Variants in CSMD1 observed in about 807,000 individuals in gnomAD.
CSMD1 encodes the protein CUB and sushi domain-containing protein 1.
CSMD1 carries 213 observed loss-of-function variants against 417.5 expected under a neutral mutation model. That is an observed-to-expected ratio of 0.51 (90% CI 0.46 to 0.57). The LOEUF (loss-of-function observed/expected upper bound fraction) is 0.57, where lower values mean the gene tolerates loss of function less well. Among genes scored for constraint, CSMD1 ranks in the 20% least tolerant of loss-of-function variants. The pLI is 0.00. For synonymous variants in CSMD1, 2,862 were observed against 1,736.8 expected, an observed-to-expected ratio of 1.65 and a Z score of -16.11; for missense variants, 6,923 against 4,529.7, an observed-to-expected ratio of 1.53 and a Z score of -15.17.
chr8:4,805,073 G>A (rs1798513143), intron 1 of CSMD1, among the ~76,000 whole-genome samples: 1 of 152,098 alleles, frequency 6.6e-6, no homozygotes, highest in South Asian at 2.1e-4. Flanking sequence ...GGAGTTTCAA[G>A]TACCCAAGTA....
chr8:4,360,956 A>G (rs1801723135), intron 3 of CSMD1, among the ~76,000 whole-genome samples: 1 of 152,298 alleles, frequency 6.6e-6, no homozygotes. Context: ...ATGGGACTTG[A>G]GGAATACTTG....
intron 12 of CSMD1, among the ~76,000 whole-genome samples, chr8:3,437,227 T>A (rs767875203): frequency 6.6e-6 from 1 of 152,196 alleles, no homozygotes; most frequent in East Asian, 1.9e-4. Context: ...TCACTTGATT[T>A]GATGTATCCT....
chr8:4,578,983 T>G (rs1037986947), intron 2 of CSMD1, among the ~76,000 whole-genome samples: 1 of 152,036 alleles, frequency 6.6e-6, no homozygotes, highest in African/African-American at 2.4e-5. Flanking sequence ...CAGCATCTTT[T>G]CATTAATTAA....
In CSMD1 at chr8:3,684,549, C is replaced by G. The variant is rs1163705812; in HGVS notation, c.1009+23865G>C. Among the ~76,000 whole-genome samples, 3 of 148,760 alleles carry G rather than the reference C, an allele frequency of 2.0e-5. No homozygotes were observed. The Admixed American group carries it at 2.0e-4, about 10-fold the overall frequency. On this transcript the variant is annotated intron_variant, in intron 7 of 69. Transcript: ENST00000635120. ...GCCATCTAGAAACAAATGGCACTGT[C>G]TTTCTATATCATCATTGTTGAACCC...
intron 5 of CSMD1, among the ~76,000 whole-genome samples, chr8:3,986,819 GATCTCGGCTCACTGCA>G (rs1814359985): frequency 6.6e-6 from 1 of 151,832 alleles, no homozygotes; most frequent in South Asian, 2.1e-4. Flanking sequence ...GCAGTGATGC[GATCTCGGCTCACTGCA>G]ATCTCTGCTC....
At position 4,070,734 on chromosome 8, in the gene CSMD1, C is replaced by G. The variant is rs116518741; in HGVS notation, c.416-38635G>C. On this transcript the variant is annotated intron_variant, in intron 3 of 69. Transcript: ENST00000635120. The stretch of plus-strand genomic sequence containing the variant: ...GTTGTTTCCATGAAGCCCGAGCAAC[C>G]ATCTCAGCATTTCCTCCACCACGAG... Among the ~76,000 whole-genome samples, 783 of 152,210 alleles carry G rather than the reference C, an allele frequency of 5.1e-3. 7 individuals are homozygous for G. Among genetic ancestry groups the G allele is most frequent in the African/African-American group, 0.018 (745 of 41,532 alleles).
chr8:4,413,529 G>C lies in CSMD1; in HGVS notation c.415+6424C>G, dbSNP rs529781863. Among the ~76,000 whole-genome samples the C allele has an allele frequency of 1.2e-4, 19 of 152,144 alleles. 1 individual carries two copies. In the South Asian group the frequency reaches 3.9e-3, roughly 32 times the overall value. ...ATCCCTACTTTTAGAAAATGTTAGT[G>C]TTCATGTACTGACAGCACTAATTCT... is the stretch of plus-strand genomic sequence containing the variant. On this transcript the variant is annotated intron_variant, in intron 3 of 69. Coordinates refer to ENST00000635120, the MANE Select transcript of CSMD1 (RefSeq NM_033225.6).
chr8:4,477,883 A>C (rs1297343906), intron 2 of CSMD1, among the ~76,000 whole-genome samples: 1 of 152,192 alleles, frequency 6.6e-6, no homozygotes, highest in Non-Finnish European at 1.5e-5. Context: ...CATAATCCTC[A>C]TTTATAACTG....
chr8:3,969,570 G>A (rs1364943198), intron 5 of CSMD1, among the ~76,000 whole-genome samples: 1 of 152,088 alleles, frequency 6.6e-6, no homozygotes, highest in East Asian at 1.9e-4. Flanking sequence ...GAAAATAGGT[G>A]ACGGCATAAT....
At chr8:4,684,559 T>C (rs1806247766) in intron 1 of CSMD1, among the ~76,000 whole-genome samples, 1 of 152,214 alleles carries the variant, frequency 6.6e-6, no homozygotes. Flanking sequence ...ATCTAGGCTT[T>C]GCCACTTTCA....
Position 4,001,383 on chromosome 8 carries a change from G to A in CSMD1, c.611-3273C>T, listed in dbSNP as rs139055800. 4.2e-4 allele frequency among the ~76,000 whole-genome samples: 64 copies of A among 152,256 alleles called. No homozygotes were observed. In the East Asian group the frequency reaches 9.7e-3, roughly 23 times the overall value. The stretch of plus-strand genomic sequence containing the variant: ...TAGCCCCCTGGTTTCTCCACTGCTG[G>A]AAGGTTCGATGACCTGCAGAAGGTG... On this transcript the variant is annotated intron_variant, in intron 4 of 69. Coordinates refer to ENST00000635120, the MANE Select transcript of CSMD1 (RefSeq NM_033225.6).
chr8:3,653,007 C>G (rs529408175), intron 7 of CSMD1, among the ~76,000 whole-genome samples: 1 of 152,236 alleles, frequency 6.6e-6, no homozygotes, highest in African/African-American at 2.4e-5. Flanking sequence ...TAATGCCACT[C>G]AAATTATACT....
chr8:4,285,236 A>T (rs980371655), intron 3 of CSMD1, among the ~76,000 whole-genome samples: 12 of 152,226 alleles, frequency 7.9e-5, no homozygotes, highest in Admixed American at 6.5e-4. Context: ...ATCCGGTTTC[A>T]TCATACAGCA....
intron 1 of CSMD1, among the ~76,000 whole-genome samples, chr8:4,992,733 T>C (rs1157411011): frequency 6.6e-6 from 1 of 152,138 alleles, no homozygotes. Context: ...AGGCGCTGCC[T>C]CCGCAGCCGG....
At chr8:3,783,925 G>C (rs980597432) in intron 5 of CSMD1, among the ~76,000 whole-genome samples, 1 of 150,622 alleles carries the variant, frequency 6.6e-6, no homozygotes, top group Admixed American at 6.6e-5. Context: ...GCTGCAGTTT[G>C]AATACCCCAG....
chr8:3,727,632 T>C (rs1018023475), intron 6 of CSMD1, among the ~76,000 whole-genome samples: 2 of 152,124 alleles, frequency 1.3e-5, no homozygotes, highest in African/African-American at 4.8e-5. Context: ...CCTGAAATAA[T>C]GGAAAGCTGG....
chr8:3,360,023 T>C (rs1809052268), intron 20 of CSMD1, among the ~76,000 whole-genome samples: 1 of 152,198 alleles, frequency 6.6e-6, no homozygotes, highest in African/African-American at 2.4e-5. Context: ...AGGTGCTTTT[T>C]GGTAACTAAC....
At chr8:3,901,922 C>G (rs1229858122) in intron 5 of CSMD1, among the ~76,000 whole-genome samples, 1 of 152,162 alleles carries the variant, frequency 6.6e-6, no homozygotes, top group African/African-American at 2.4e-5. Context: ...TGATGTGTGA[C>G]TATGAACAAG....
At chr8:3,063,136 C>T (rs372536453) in intron 49 of CSMD1, among the ~76,000 whole-genome samples, 32 of 152,186 alleles carry the variant, frequency 2.1e-4, no homozygotes, top group Admixed American at 4.6e-4. Context: ...ATTTTATGCA[C>T]GCTCTTTGTG....
Sources: gnomAD v4.1 joint callset for allele counts (sites outside exome capture counted in the v4.1 genomes callset) on GRCh38, gnomAD v4.1.1 for gene constraint, MANE v1.5 for transcripts, NCBI Gene and HGNC (gene_info 2026-07-23, HGNC 2026-07-21) for gene names.